The following SLC4A4 variants were observed in gnomAD, a reference collection of about 807,000 sequenced individuals.
SLC4A4 encodes the protein electrogenic sodium bicarbonate cotransporter 1.
In SLC4A4, 27 loss-of-function variants were observed where a neutral mutation model predicts 111.5. The ratio of observed to expected loss-of-function variants is 0.24; its 90% CI spans 0.18 to 0.33. The LOEUF is 0.33. Among genes scored for constraint, SLC4A4 ranks in the 10% least tolerant of loss-of-function variants. The pLI, the probability that SLC4A4 is intolerant of heterozygous loss-of-function variation, is 1.00. For missense variants in SLC4A4, 909 were observed against 1,315.5 expected, an observed-to-expected ratio of 0.69 and a Z score of 4.78; for synonymous variants, 443 against 463.4, an observed-to-expected ratio of 0.96 and a Z score of 0.57.
intron 6 of SLC4A4, among the ~76,000 whole-genome samples, chr4:71,388,625 C>A (rs533524967): frequency 2.0e-5 from 3 of 152,100 alleles, no homozygotes; most frequent in Non-Finnish European, 4.4e-5. Flanking sequence ...CCAACTGCAA[C>A]CTTTAACTCC....
intron 2 of SLC4A4, among the ~76,000 whole-genome samples, chr4:71,144,871 T>A (rs1196932264): frequency 1.3e-5 from 2 of 152,208 alleles, no homozygotes; most frequent in South Asian, 2.1e-4. Flanking sequence ...GTTTTCTAGA[T>A]ATACAATCAT....
At chr4:71,175,359 G>A (rs183272283) in intron 2 of SLC4A4, among the ~76,000 whole-genome samples, 232 of 152,310 alleles carry the variant, frequency 1.5e-3, no homozygotes, top group African/African-American at 5.2e-3. Flanking sequence ...CGCACCAAGC[G>A]TGAGCCGAAG....
chr4:71,449,621 G>A (rs1321931954), intron 9 of SLC4A4, among the ~76,000 whole-genome samples: 1 of 152,142 alleles, frequency 6.6e-6, no homozygotes. Flanking sequence ...GTATTGAACA[G>A]GGACCATCTT....
chr4:71,420,905 G>A (rs2149020588), intron 7 of SLC4A4, among the ~76,000 whole-genome samples: 1 of 150,182 alleles, frequency 6.7e-6, no homozygotes, highest in Admixed American at 6.7e-5. Context: ...AGACCATTGA[G>A]ACTAGGAAGA....
intron 14 of SLC4A4, among the ~76,000 whole-genome samples, chr4:71,477,382 A>G (rs1728465584): frequency 1.3e-5 from 2 of 151,786 alleles, no homozygotes; most frequent in African/African-American, 4.8e-5. Context: ...AAAGATTTCA[A>G]ACATTTAATT....
chr4:71,181,323 A>G (rs2148987953), intron 2 of SLC4A4, among the ~76,000 whole-genome samples: 2 of 152,280 alleles, frequency 1.3e-5, no homozygotes, highest in Middle Eastern at 6.8e-3. Context: ...GATGTAACTA[A>G]CCTGCACATT....
chr4:71,443,397 G>GC (rs1043073198), intron 8 of SLC4A4, among the ~76,000 whole-genome samples: 2 of 151,568 alleles, frequency 1.3e-5, no homozygotes, highest in African/African-American at 4.9e-5. Context: ...TAATCCACCC[G>GC]CCTCGGCCTC....
At chr4:71,499,845 G>C (rs1730746530) in intron 16 of SLC4A4, among the ~76,000 whole-genome samples, 1 of 152,184 alleles carries the variant, frequency 6.6e-6, no homozygotes, top group Non-Finnish European at 1.5e-5. Context: ...CACTTAGGCT[G>C]ATTCCATATC....
At chr4:71,346,840 A>G (rs116045472) in intron 4 of SLC4A4, among the ~76,000 whole-genome samples, 319 of 152,288 alleles carry the variant, frequency 2.1e-3, no homozygotes, top group African/African-American at 7.3e-3. Flanking sequence ...AATTAGAGCA[A>G]TACATTTTAA....
chr4:71,070,291 A>G (rs1197566365), intron 1 of SLC4A4, among the ~76,000 whole-genome samples: 2 of 152,196 alleles, frequency 1.3e-5, no homozygotes, highest in Admixed American at 6.5e-5. Context: ...CAATTACATT[A>G]TATTCCAATG....
At chr4:71,271,732 GCT>G (rs2149081438) in intron 3 of SLC4A4, among the ~76,000 whole-genome samples, 1 of 152,316 alleles carries the variant, frequency 6.6e-6, no homozygotes, top group East Asian at 1.9e-4. Context: ...TGAAGATAAT[GCT>G]CTCAACAAAA....
chr4:71,499,755 C>T (rs886756613), intron 16 of SLC4A4, among the ~76,000 whole-genome samples: 4 of 152,140 alleles, frequency 2.6e-5, no homozygotes, highest in Non-Finnish European at 1.5e-5. Flanking sequence ...TTGCTAATGA[C>T]AGAATTTCCT....
intron 18 of SLC4A4, among the ~76,000 whole-genome samples, chr4:71,541,917 A>G (rs1160300251): frequency 1.3e-5 from 2 of 152,176 alleles, no homozygotes; most frequent in Non-Finnish European, 2.9e-5. Flanking sequence ...TATTCTTTAT[A>G]TAAAAAGGAC....
chr4:71,226,622 G>A (rs1286711654), intron 1 of SLC4A4, among the ~76,000 whole-genome samples: 2 of 152,136 alleles, frequency 1.3e-5, no homozygotes, highest in Non-Finnish European at 2.9e-5. Context: ...AGGGAGTATA[G>A]CACAGCCATT....
chr4:71,257,992 G>A (rs1721579766), intron 3 of SLC4A4, among the ~76,000 whole-genome samples: 1 of 152,158 alleles, frequency 6.6e-6, no homozygotes, highest in South Asian at 2.1e-4. Flanking sequence ...AGACACTGCA[G>A]CAGTCTCTGC....
chr4:71,487,138 A>G (rs1729482007), intron 15 of SLC4A4, 120 bp downstream of exon 15: 5 of 639,192 alleles, frequency 7.8e-6, no homozygotes, highest in Non-Finnish European at 1.4e-5. Flanking sequence ...ACACATACGT[A>G]ACAATTATTG....
intron 2 of SLC4A4, among the ~76,000 whole-genome samples, chr4:71,116,511 C>G (rs1743271017): frequency 6.6e-6 from 1 of 152,148 alleles, no homozygotes; most frequent in South Asian, 2.1e-4. Context: ...TCTTTCTAAG[C>G]CACACTAAAT....
intron 3 of SLC4A4, among the ~76,000 whole-genome samples, chr4:71,333,831 A>T (rs567258593): frequency 6.7e-6 from 1 of 148,940 alleles, no homozygotes; most frequent in Non-Finnish European, 1.5e-5. Context: ...GCTACTGCTG[A>T]TGTTCAGTCA....
chr4:71,369,273 A>G (rs765254112), intron 6 of SLC4A4, among the ~76,000 whole-genome samples: 18 of 152,184 alleles, frequency 1.2e-4, no homozygotes, highest in Non-Finnish European at 2.5e-4. Context: ...AAATATTCCT[A>G]AAGTCGTAAT....
Sources: gnomAD v4.1 joint callset for allele counts (sites outside exome capture counted in the v4.1 genomes callset) on GRCh38, gnomAD v4.1.1 for gene constraint, MANE v1.5 for transcripts, NCBI Gene and HGNC (gene_info 2026-07-23, HGNC 2026-07-21) for gene names.